Variants in CMTM4 observed in about 807,000 individuals in gnomAD.
The protein encoded by CMTM4 is CKLF-like MARVEL transmembrane domain-containing protein 4.
Under a neutral mutation model 19.0 loss-of-function variants are expected in CMTM4, and 8 were observed. That is an observed-to-expected ratio of 0.42 (90% CI 0.25 to 0.76). CMTM4 has a LOEUF of 0.76. CMTM4 is among the 30% of genes least tolerant of loss of function. CMTM4 has a pLI of 0.27. For missense variants in CMTM4, 228 were observed against 290.2 expected (o/e 0.79, Z 1.56); for synonymous variants, 106 against 121.1 (o/e 0.88, Z 0.82).
chr16:66,642,408 T>C (rs1160651710), intron 1 of CMTM4, among the ~76,000 whole-genome samples: 3 of 152,170 alleles, frequency 2.0e-5, no homozygotes, highest in Non-Finnish European at 4.4e-5. Context: ...AGAGTAAATA[T>C]TTTAATATTT....
chr16:66,684,265 C>T (rs1033999557), intron 1 of CMTM4, among the ~76,000 whole-genome samples: 1 of 152,038 alleles, frequency 6.6e-6, no homozygotes, highest in Admixed American at 6.6e-5. Flanking sequence ...CTCCACCTCC[C>T]GGGGTTCAAG....
In CMTM4 at chr16:66,621,983, T is replaced by G. The variant is rs2015644648; in HGVS notation, c.*75A>C. 3 of 1,491,070 alleles carry G rather than the reference T, an allele frequency of 2.0e-6. No individual in the cohort carries two copies. The highest frequency in any genetic ancestry group is 1.9e-4 in the Middle Eastern group (1 of 5,204). 92.4% of individuals were successfully genotyped at this position (1,491,070 alleles called of 1,614,324 possible). ...AATTCAACTGAATCACATGGAAATC[T>G]GACAGGACAAGGGAAAGAAAACTTG... On this transcript the variant is annotated 3_prime_UTR_variant, in exon 4 of 4. Coordinates refer to ENST00000394106, the MANE Select transcript of CMTM4 (RefSeq NM_181521.3).
At chr16:66,672,078 C>T (rs1361441130) in intron 1 of CMTM4, among the ~76,000 whole-genome samples, 1 of 151,936 alleles carries the variant, frequency 6.6e-6, no homozygotes, top group Non-Finnish European at 1.5e-5. Flanking sequence ...ATTTATAACA[C>T]ATATGTTGGT....
In CMTM4 at chr16:66,617,774, C is replaced by T; in HGVS notation, c.*4284G>A. On this transcript the variant is annotated 3_prime_UTR_variant, in exon 4 of 4. Coordinates refer to ENST00000394106, the MANE Select transcript of CMTM4 (RefSeq NM_181521.3). Reference sequence around the variant, plus strand: ...CTGTCTGAGATGGCAGCCAAGCCAGCTTCAGAGTCACCTGCTGGACCCACA... The same window carrying T: ...CTGTCTGAGATGGCAGCCAAGCCAGTTTCAGAGTCACCTGCTGGACCCACA... The T allele has an allele frequency of 1.0e-6, 1 of 1,003,706 alleles. No homozygotes were observed. The allele number at this position is 1,003,706 out of a possible 1,614,324, so 62.2% of individuals were successfully genotyped here.
chr16:66,631,544 AAAG>A (rs1320993169), intron 2 of CMTM4, among the ~76,000 whole-genome samples: 1 of 152,232 alleles, frequency 6.6e-6, no homozygotes, highest in Non-Finnish European at 1.5e-5. Context: ...GTCTGTGTAG[AAAG>A]AAGTAGACTT....
intron 2 of CMTM4, among the ~76,000 whole-genome samples, chr16:66,629,402 C>T (rs1212390925): frequency 6.6e-6 from 1 of 152,118 alleles, no homozygotes; most frequent in African/African-American, 2.4e-5. Context: ...CCAATCATAT[C>T]GCTCCCAGTG....
intron 1 of CMTM4, among the ~76,000 whole-genome samples, chr16:66,661,504 T>C (rs1567421196): frequency 1.3e-5 from 2 of 152,230 alleles, no homozygotes; most frequent in Non-Finnish European, 2.9e-5. Context: ...TCTGTTTTCA[T>C]ATTCACAGGC....
chr16:66,696,542 G>GGCCGCCTCGC lies in CMTM4; in HGVS notation c.-27_-18dup. The GGCCGCCTCGC allele has an allele frequency of 8.5e-7, 1 of 1,178,854 alleles. No homozygotes were observed. The highest frequency in any genetic ancestry group is 1.0e-6 in the Non-Finnish European group (1 of 954,342). 73.0% of individuals were successfully genotyped at this position (1,178,854 alleles called of 1,614,324 possible). On this transcript the variant is annotated 5_prime_UTR_variant, in exon 1 of 4. Transcript: ENST00000394106. This position sits in a 1 kb window ranked among gnomAD's most constrained non-coding sequence, Gnocchi z 4.3. The stretch of plus-strand genomic sequence containing the variant: ...GCTCCGCATGCTGCCGCCCGGCCCG[G>GGCCGCCTCGC]GCCGCCTCGCGCGGCTGGCTCCCGG...
intron 1 of CMTM4, among the ~76,000 whole-genome samples, chr16:66,675,332 C>T (rs911550262): frequency 3.3e-5 from 5 of 150,938 alleles, no homozygotes; most frequent in African/African-American, 1.2e-4. Context: ...CCATCCTCTT[C>T]GGGCCTCCCA....
the CMTM4 span, among the ~76,000 whole-genome samples, chr16:66,602,288 T>G: frequency 2.0e-5 from 3 of 152,018 alleles, no homozygotes; most frequent in Non-Finnish European, 4.4e-5. Context: ...TCCCAGCTAC[T>G]TGGGAGACTG....
chr16:66,606,707 C>A, the CMTM4 span, among the ~76,000 whole-genome samples: 1 of 152,188 alleles, frequency 6.6e-6, no homozygotes, highest in Non-Finnish European at 1.5e-5. Flanking sequence ...AAGAACTCTA[C>A]CTGGGCCGGG....
intron 1 of CMTM4, among the ~76,000 whole-genome samples, chr16:66,686,504 G>T (rs1330915402): frequency 7.0e-6 from 1 of 142,262 alleles, no homozygotes; most frequent in Non-Finnish European, 1.5e-5. Context: ...AGCCAAGATT[G>T]CGCCACTGCA....
chr16:66,678,069 T>C (rs2016839693), intron 1 of CMTM4, among the ~76,000 whole-genome samples: 1 of 152,118 alleles, frequency 6.6e-6, no homozygotes, highest in South Asian at 2.1e-4. Flanking sequence ...TCCCAGCTAC[T>C]CAGCAAACTG....
chr16:66,685,229 C>T (rs1244186465), intron 1 of CMTM4, among the ~76,000 whole-genome samples: 1 of 152,152 alleles, frequency 6.6e-6, no homozygotes, highest in East Asian at 1.9e-4. Flanking sequence ...ATCCCTTCTG[C>T]TCTATTCTCT....
chr16:66,657,558 G>C (rs1380909885), intron 1 of CMTM4, among the ~76,000 whole-genome samples: 2 of 152,190 alleles, frequency 1.3e-5, no homozygotes, highest in Non-Finnish European at 2.9e-5. Context: ...CAGAGAGAGA[G>C]AGACAGTAGA....
chr16:66,652,527 T>A (rs901617039), intron 1 of CMTM4, among the ~76,000 whole-genome samples: 1 of 152,002 alleles, frequency 6.6e-6, no homozygotes, highest in African/African-American at 2.4e-5. Flanking sequence ...TAAATAAGAG[T>A]TGAACTTTGG....
At chr16:66,612,621 A>G, downstream of CMTM4, 1 of 1,613,920 alleles carries the variant, frequency 6.2e-7, no homozygotes, top group Non-Finnish European at 8.5e-7. The surrounding 1 kb of genome is among the most constrained non-coding windows in gnomAD (Gnocchi z 6.0). Flanking sequence ...GAGAATTCCG[A>G]CTCGGACTCT....
the CMTM4 span, chr16:66,609,640 T>C: frequency 2.6e-6 from 4 of 1,513,770 alleles, no homozygotes; most frequent in Middle Eastern, 1.7e-4. The surrounding 1 kb of genome is among the most constrained non-coding windows in gnomAD (Gnocchi z 4.4). Context: ...TGGGGTCTCA[T>C]GTGGGTCCCG....
Position 66,622,308 on chromosome 16 carries a change from C to G in CMTM4, c.463-86G>C. 1 of 1,435,132 alleles carries G rather than the reference C, an allele frequency of 7.0e-7. No individual in the cohort carries two copies. The highest frequency in any genetic ancestry group is 9.5e-7 in the Non-Finnish European group (1 of 1,049,212). The allele number at this position is 1,435,132 out of a possible 1,614,324, so 88.9% of individuals were successfully genotyped here. On this transcript the variant is annotated intron_variant, in intron 3 of 3. Coordinates refer to ENST00000394106, the MANE Select transcript of CMTM4 (RefSeq NM_181521.3). This position sits in a 1 kb window ranked among gnomAD's most constrained non-coding sequence, Gnocchi z 4.0. Reference sequence around the variant, plus strand: ...TGGTGACCCAAGCCACATGCAGCCCCTTCCTGCTCTGCCAGCTGATCATTA... The same window carrying G: ...TGGTGACCCAAGCCACATGCAGCCCGTTCCTGCTCTGCCAGCTGATCATTA...
Sources: gnomAD v4.1 joint callset for allele counts (sites outside exome capture counted in the v4.1 genomes callset) on GRCh38, gnomAD v4.1.1 for gene constraint, Gnocchi (gnomAD v3.1) non-coding constraint, MANE v1.5 for transcripts, NCBI Gene and HGNC (gene_info 2026-07-23, HGNC 2026-07-21) for gene names.